Variants in CSMD1 observed in about 807,000 individuals in gnomAD.
CSMD1 encodes CUB and sushi domain-containing protein 1.
In CSMD1, 213 loss-of-function variants were observed where a neutral mutation model predicts 417.5. The ratio of observed to expected loss-of-function variants is 0.51; its 90% confidence interval spans 0.46 to 0.57. The LOEUF (loss-of-function observed/expected upper bound fraction) is 0.57. Among genes scored for constraint, CSMD1 ranks in the 20% least tolerant of loss-of-function variants. The probability of loss-of-function intolerance (pLI) is 0.00; values close to 1 mark genes in which losing one functional copy is unlikely to be tolerated. For synonymous variants in CSMD1, 2,862 were observed against 1,736.8 expected (o/e 1.65, Z -16.11); for missense variants, 6,923 against 4,529.7 (o/e 1.53, Z -15.17).
intron 3 of CSMD1, among the ~76,000 whole-genome samples, chr8:4,348,841 A>C (rs1800926423): frequency 6.6e-6 from 1 of 152,168 alleles, no homozygotes; most frequent in Non-Finnish European, 1.5e-5. Context: ...TAAGCTTTTA[A>C]GGTACGAACA....
At chr8:3,794,970 G>T (rs1242630918) in intron 5 of CSMD1, among the ~76,000 whole-genome samples, 1 of 150,214 alleles carries the variant, frequency 6.7e-6, no homozygotes. Context: ...ATCATGTATA[G>T]CTATAGATAT....
chr8:2,973,330 C>A lies in CSMD1; in HGVS notation c.8741-31G>T, dbSNP rs371547282. 76 of 1,602,632 alleles carry A rather than the reference C, an allele frequency of 4.7e-5. No homozygotes were observed. The African/African-American group carries it at 7.8e-4, about 16-fold the overall frequency. On this transcript the variant is annotated intron_variant, in intron 56 of 69. Coordinates refer to ENST00000635120, the MANE Select transcript of CSMD1 (RefSeq NM_033225.6). ...GAAAACAAACACATACGGCAATCCACAATTGTGTTAGACTTGTTTTAAGCA... is the reference window on the plus strand; with the variant it reads ...GAAAACAAACACATACGGCAATCCAAAATTGTGTTAGACTTGTTTTAAGCA...
At chr8:4,915,738 C>T (rs1585320579) in intron 1 of CSMD1, among the ~76,000 whole-genome samples, 1 of 152,254 alleles carries the variant, frequency 6.6e-6, no homozygotes, top group Admixed American at 6.5e-5. Context: ...TGGAGACAGA[C>T]ATCCATTTGG....
At chr8:3,063,081 C>T (rs1812688969) in intron 49 of CSMD1, among the ~76,000 whole-genome samples, 1 of 152,080 alleles carries the variant, frequency 6.6e-6, no homozygotes, top group Non-Finnish European at 1.5e-5. Flanking sequence ...GTCCCAGGCT[C>T]ACTAAGCATT....
chr8:4,055,616 T>C (rs539065684), intron 3 of CSMD1, among the ~76,000 whole-genome samples: 1 of 152,054 alleles, frequency 6.6e-6, no homozygotes, highest in Non-Finnish European at 1.5e-5. Context: ...TTAATGAATA[T>C]AAAATATTAA....
At chr8:3,650,177 G>C (rs774733077) in intron 7 of CSMD1, among the ~76,000 whole-genome samples, 3 of 152,104 alleles carry the variant, frequency 2.0e-5, no homozygotes, top group African/African-American at 7.2e-5. Context: ...TATTGGGGAG[G>C]CTGAGGTAGG....
At chr8:4,293,741 C>G (rs924584154) in intron 3 of CSMD1, among the ~76,000 whole-genome samples, 3 of 152,146 alleles carry the variant, frequency 2.0e-5, no homozygotes, top group African/African-American at 7.2e-5. Flanking sequence ...CATATTAAAG[C>G]ACAGATATTT....
intron 3 of CSMD1, among the ~76,000 whole-genome samples, chr8:4,319,908 G>T (rs10101702): frequency 6.6e-6 from 1 of 152,078 alleles, no homozygotes. Flanking sequence ...AAGATCCACC[G>T]GAAAGCAGTA....
intron 1 of CSMD1, among the ~76,000 whole-genome samples, chr8:4,897,332 C>A (rs2117027031): frequency 6.6e-6 from 1 of 152,020 alleles, no homozygotes; most frequent in South Asian, 2.1e-4. Flanking sequence ...CCAAGTATGC[C>A]AATATATATT....
intron 2 of CSMD1, among the ~76,000 whole-genome samples, chr8:4,487,425 T>C (rs193255348): frequency 6.6e-6 from 1 of 152,182 alleles, no homozygotes; most frequent in Non-Finnish European, 1.5e-5. Flanking sequence ...GTTTGGTTTT[T>C]CGTTCTTGCG....
At chr8:3,671,325 T>C (rs1275349817) in intron 7 of CSMD1, among the ~76,000 whole-genome samples, 1 of 148,198 alleles carries the variant, frequency 6.7e-6, no homozygotes, top group African/African-American at 2.5e-5. Flanking sequence ...ATTAGTTATG[T>C]GGAAATTATT....
At chr8:2,957,239 T>G (rs1803080186) in intron 63 of CSMD1, among the ~76,000 whole-genome samples, 1 of 152,172 alleles carries the variant, frequency 6.6e-6, no homozygotes, top group Non-Finnish European at 1.5e-5. Flanking sequence ...CTACTTAGAC[T>G]CTGACATATG....
At position 4,707,203 on chromosome 8, in the gene CSMD1, T is replaced by C. The variant is rs185474022; in HGVS notation, c.86-69645A>G. Among the ~76,000 whole-genome samples the C allele has an allele frequency of 1.8e-3, 268 of 152,320 alleles. 3 individuals are homozygous for C. The highest frequency in any genetic ancestry group is 9.7e-4 in the Non-Finnish European group (66 of 68,038). On this transcript the variant is annotated intron_variant, in intron 1 of 69. Transcript: ENST00000635120. Reference sequence around the variant, plus strand: ...TGAATAGTTATTGCACTCTAGACACTGTTGTTAAAGGCTTTCTATACATTA... The same window carrying C: ...TGAATAGTTATTGCACTCTAGACACCGTTGTTAAAGGCTTTCTATACATTA...
intron 5 of CSMD1, among the ~76,000 whole-genome samples, chr8:3,819,032 A>C (rs1801561731): frequency 6.6e-6 from 1 of 152,174 alleles, no homozygotes; most frequent in Middle Eastern, 3.2e-3. Context: ...ATCCAGATTG[A>C]CGGTAAAACA....
chr8:3,119,384 TAAAAAA>T (rs34060531), intron 41 of CSMD1, among the ~76,000 whole-genome samples: 11,886 of 87,790 alleles, frequency 0.14, 1,033 homozygotes, highest in African/African-American at 0.27. Context: ...AGTCTTTTTC[TAAAAAA>T]AAAAAAAAAA....
rs1488958203 is a variant in CSMD1, at chr8:3,839,079, G to A, written c.819-85037C>T. 4.2e-5 allele frequency among the ~76,000 whole-genome samples: 5 copies of A among 117,734 alleles called. No homozygotes were observed. The South Asian group carries it at 7.6e-4, about 18-fold the overall frequency. 77.2% of individuals were successfully genotyped at this position (117,734 alleles called of 152,430 possible). Reference sequence around the variant, plus strand: ...TATAGCCTATAGATATATAGCCTAGGCTATATATAATATAATATAGCCTAT... The same window carrying A: ...TATAGCCTATAGATATATAGCCTAGACTATATATAATATAATATAGCCTAT... On this transcript the variant is annotated intron_variant, in intron 5 of 69. Coordinates refer to ENST00000635120, the MANE Select transcript of CSMD1 (RefSeq NM_033225.6).
chr8:4,012,756 C>T (rs1214788925), intron 4 of CSMD1, among the ~76,000 whole-genome samples: 2 of 152,132 alleles, frequency 1.3e-5, no homozygotes, highest in African/African-American at 4.8e-5. Context: ...GGTTCTTTTG[C>T]TCTTTCCATT....
chr8:3,045,479 T>C (rs1585218211), intron 50 of CSMD1, among the ~76,000 whole-genome samples: 1 of 152,216 alleles, frequency 6.6e-6, no homozygotes, highest in African/African-American at 2.4e-5. Flanking sequence ...TTGATACATT[T>C]ACCTGTGAAC....
chr8:3,222,321 A>T (rs1270152272), intron 28 of CSMD1, among the ~76,000 whole-genome samples: 1 of 148,918 alleles, frequency 6.7e-6, no homozygotes, highest in African/African-American at 2.5e-5. Context: ...GTTCAATTTC[A>T]TTTTTTTTTT....
Sources: allele counts gnomAD v4.1 joint callset (sites outside exome capture counted in the v4.1 genomes callset), GRCh38; gene constraint gnomAD v4.1.1; transcripts MANE v1.5; gene names NCBI Gene and HGNC (gene_info 2026-07-23, HGNC 2026-07-21).